SYT14: variants seen among roughly 807,000 people sequenced by gnomAD.
The protein encoded by SYT14 is synaptotagmin 14, also known as synaptotagmin-14.
SYT14 carries 32 observed loss-of-function variants against 74.2 expected under a neutral mutation model. That is an observed-to-expected ratio of 0.43 (90% CI 0.33 to 0.58). The LOEUF (loss-of-function observed/expected upper bound fraction) is 0.58, where lower values mean the gene tolerates loss of function less well. Ranked by LOEUF, SYT14 falls within the 20% of genes least tolerant of loss-of-function variation. The pLI is 0.05. For synonymous variants in SYT14, 298 were observed against 337.7 expected (o/e 0.88, Z 1.29); for missense variants, 791 against 981.8 (o/e 0.81, Z 2.60).
At chr1:210,034,388 AGTACATGTTC>A (rs2080609715) in intron 5 of SYT14, among the ~76,000 whole-genome samples, 1 of 151,748 alleles carries the variant, frequency 6.6e-6, no homozygotes, top group African/African-American at 2.4e-5. Context: ...TTGTGTAAGT[AGTACATGTTC>A]ATTATAGAAA....
chr1:210,024,377 T>C (rs1210370187), intron 5 of SYT14, among the ~76,000 whole-genome samples: 4 of 152,024 alleles, frequency 2.6e-5, no homozygotes, highest in Non-Finnish European at 5.9e-5. Context: ...AGGAGAGAGA[T>C]TATTGAGGTA....
Position 210,159,493 on chromosome 1 carries a change from G to A in SYT14, c.2281+16G>A, listed in dbSNP as rs1330959691. 1.3e-6 allele frequency: 2 copies of A among 1,550,876 alleles called. No homozygotes were observed. The highest frequency in any genetic ancestry group is 4.9e-5 in the East Asian group (2 of 40,874). The stretch of plus-strand genomic sequence containing the variant: ...ATAATCCGAGGTGAGTTCCTGTAGA[G>A]GCTAATTGGATGTTGTCTTTTCATG... On this transcript the variant is annotated intron_variant, in intron 9 of 9. Coordinates refer to ENST00000637265, the Ensembl canonical transcript of SYT14.
At chr1:210,099,589 C>T (rs970864545) in intron 6 of SYT14, among the ~76,000 whole-genome samples, 19 of 152,040 alleles carry the variant, frequency 1.2e-4, no homozygotes, top group Admixed American at 2.0e-4. Context: ...TTTTCCATAG[C>T]GTTATACTTT....
At chr1:209,942,203 G>C (rs564691461) in intron 1 of SYT14, among the ~76,000 whole-genome samples, 5 of 152,086 alleles carry the variant, frequency 3.3e-5, no homozygotes, top group Non-Finnish European at 7.4e-5. Context: ...GTCCAGAAGC[G>C]TATTTCTAAC....
At chr1:210,041,252 A>G (rs2102344617) in intron 5 of SYT14, among the ~76,000 whole-genome samples, 1 of 152,290 alleles carries the variant, frequency 6.6e-6, no homozygotes, top group Non-Finnish European at 1.5e-5. Flanking sequence ...GGAGCCAGAT[A>G]GGAGGCTTTA....
chr1:210,050,278 G>A (rs1168989960), intron 5 of SYT14, among the ~76,000 whole-genome samples: 1 of 152,148 alleles, frequency 6.6e-6, no homozygotes, highest in African/African-American at 2.4e-5. Flanking sequence ...CAGTCTCTTT[G>A]CTAAAACATA....
intron 5 of SYT14, among the ~76,000 whole-genome samples, chr1:210,023,071 T>C (rs1172416166): frequency 6.6e-6 from 1 of 152,202 alleles, no homozygotes; most frequent in East Asian, 1.9e-4. Flanking sequence ...TATCCTGTAC[T>C]TTTTTACACA....
intron 2 of SYT14, among the ~76,000 whole-genome samples, chr1:209,989,043 A>G (rs190273763): frequency 3.9e-5 from 6 of 152,180 alleles, no homozygotes; most frequent in Non-Finnish European, 7.3e-5. Context: ...TTGGAAAATC[A>G]TAGTCATACA....
At chr1:210,081,842 T>C (rs908458283) in intron 5 of SYT14, among the ~76,000 whole-genome samples, 7 of 152,162 alleles carry the variant, frequency 4.6e-5, no homozygotes, top group African/African-American at 1.7e-4. Context: ...CTATAGTTTG[T>C]AGGAAGTTTG....
chr1:210,078,291 C>A (rs2081546025), intron 5 of SYT14, among the ~76,000 whole-genome samples: 1 of 105,668 alleles, frequency 9.5e-6, no homozygotes, highest in Non-Finnish European at 1.7e-5. Context: ...GCCTGGGCGA[C>A]AGAGCGAGAC....
At chr1:210,134,260 A>C (rs954372139) in intron 7 of SYT14, among the ~76,000 whole-genome samples, 2 of 151,752 alleles carry the variant, frequency 1.3e-5, no homozygotes, top group Non-Finnish European at 2.9e-5. Flanking sequence ...ATGCCACCAC[A>C]CCTGGCTAAT....
chr1:210,077,116 A>C (rs2102465896), intron 5 of SYT14, among the ~76,000 whole-genome samples: 1 of 152,094 alleles, frequency 6.6e-6, no homozygotes, highest in Non-Finnish European at 1.5e-5. Context: ...ACAGTTCTGC[A>C]GTTCCAATAA....
chr1:210,124,257 A>T (rs2082524533), intron 7 of SYT14, among the ~76,000 whole-genome samples: 3 of 150,942 alleles, frequency 2.0e-5, no homozygotes, highest in African/African-American at 7.4e-5. Flanking sequence ...AAAAAAAAAT[A>T]AATAAATAAC....
intron 5 of SYT14, among the ~76,000 whole-genome samples, chr1:210,064,604 T>C (rs1262701394): frequency 6.6e-6 from 1 of 152,064 alleles, no homozygotes; most frequent in African/African-American, 2.4e-5. Flanking sequence ...ATTATTTCTT[T>C]TTGTGGCTGA....
intron 5 of SYT14, among the ~76,000 whole-genome samples, chr1:210,051,795 C>T (rs1428213468): frequency 6.6e-6 from 1 of 152,142 alleles, no homozygotes; most frequent in Non-Finnish European, 1.5e-5. Flanking sequence ...CAGCCAGTAT[C>T]CCACGTTCAT....
chr1:210,016,404 A>G, exon 4 of SYT14: 1 of 1,232,074 alleles, frequency 8.1e-7, no homozygotes, highest in Non-Finnish European at 1.0e-6. Context: ...GAATATCAAG[A>G]CACTGGTAAT....
chr1:210,132,597 G>GTGTGT (rs2082699975), intron 7 of SYT14, among the ~76,000 whole-genome samples: 2 of 151,620 alleles, frequency 1.3e-5, no homozygotes, highest in Non-Finnish European at 2.9e-5. Flanking sequence ...GTGTGTGTGT[G>GTGTGT]TGTGTGTAGC....
At chr1:210,130,351 T>C (rs1033411950) in intron 7 of SYT14, among the ~76,000 whole-genome samples, 3 of 152,254 alleles carry the variant, frequency 2.0e-5, no homozygotes, top group Admixed American at 1.3e-4. Flanking sequence ...AAAGTCATTA[T>C]GACCATGAGA....
At chr1:209,991,409 A>G (rs565916877) in intron 2 of SYT14, among the ~76,000 whole-genome samples, 48 of 152,334 alleles carry the variant, frequency 3.2e-4, no homozygotes, top group African/African-American at 1.2e-3. Flanking sequence ...TCCAGAATCT[A>G]CAAGGAATGC....
Sources: allele counts gnomAD v4.1 joint callset (sites outside exome capture counted in the v4.1 genomes callset), GRCh38; gene constraint gnomAD v4.1.1; transcripts MANE v1.5; gene names NCBI Gene and HGNC (gene_info 2026-07-23, HGNC 2026-07-21).